Variants in EXOC3L4 observed in about 807,000 individuals in gnomAD.
The protein encoded by EXOC3L4 is exocyst complex component 3 like 4.
Under a neutral mutation model 69.7 loss-of-function variants are expected in EXOC3L4, and 62 were observed. The ratio of observed to expected loss-of-function variants is 0.89; its 90% CI spans 0.72 to 1.10. The LOEUF is 1.10. Among genes scored for constraint, EXOC3L4 ranks in the 50% least tolerant of loss-of-function variants. EXOC3L4 has a pLI of 0.00. For synonymous variants in EXOC3L4, 502 were observed against 464.2 expected (o/e 1.08, Z -1.05); for missense variants, 1,087 against 1,034.8 (o/e 1.05, Z -0.69).
intron 5 of EXOC3L4, 160 bp downstream of exon 5, chr14:103,104,549 C>T: frequency 1.5e-6 from 2 of 1,316,470 alleles, no homozygotes; most frequent in African/African-American, 3.1e-5. Context: ...CCCGGCGCGC[C>T]GACGGGCAGG....
At chr14:103,104,080 G>A in intron 4 of EXOC3L4, 28 bp downstream of exon 4, 3 of 1,522,516 alleles carry the variant, frequency 2.0e-6, no homozygotes, top group Non-Finnish European at 2.6e-6. Flanking sequence ...AGGCTGGGCG[G>A]GCCAGGCTGG....
In EXOC3L4 at chr14:103,110,316, C is replaced by A; in HGVS notation, c.*93C>A. On this transcript the variant is annotated 3_prime_UTR_variant, in exon 12 of 12. Transcript: ENST00000688303. Reference sequence around the variant, plus strand: ...CCCAGGGAGTCACTCTGGGCCCTGCCCCCAACTCTGACACTGCAGTTAGGG... The same window carrying A: ...CCCAGGGAGTCACTCTGGGCCCTGCACCCAACTCTGACACTGCAGTTAGGG... The A allele has an allele frequency of 7.1e-7, 1 of 1,403,854 alleles. No individual in the cohort carries two copies. The highest frequency in any genetic ancestry group is 9.7e-7 in the Non-Finnish European group (1 of 1,030,220). 87.0% of individuals were successfully genotyped at this position (1,403,854 alleles called of 1,614,324 possible).
intron 4 of EXOC3L4, 105 bp downstream of exon 4, chr14:103,104,157 C>T: frequency 6.9e-7 from 1 of 1,446,744 alleles, no homozygotes; most frequent in Non-Finnish European, 9.1e-7. Context: ...CTCTGGTTCA[C>T]CCTGTGGCCC....
intron 2 of EXOC3L4, 23 bp downstream of exon 2, chr14:103,100,636 G>C: frequency 6.3e-7 from 1 of 1,584,938 alleles, no homozygotes; most frequent in Non-Finnish European, 8.6e-7. Context: ...GAAACAACAC[G>C]AAGCATGAAA....
chr14:103,100,424 T>C lies in EXOC3L4; in HGVS notation c.205T>C (p.Ser69Pro). ...RASQRALTQV[S>P]KEDTGLFRRS... ...CAGCCAGCGGGCTTTGACCCAGGTC[T>C]CCAAGGAAGATACGGGCCTGTTCCG... The change falls in exon 2 of 12, where the codon TCC becomes CCC. Residue 69 changes from serine to proline, a missense_variant. By Grantham distance (74) the Ser-to-Pro change is moderately conservative. Transcript: ENST00000688303. 6.2e-7 allele frequency: 1 copy of C among 1,613,080 alleles called. No homozygotes were observed. Among genetic ancestry groups the C allele is most frequent in the South Asian group, 1.1e-5 (1 of 90,898 alleles).
In EXOC3L4 at chr14:103,097,791, C is replaced by T. The variant is rs755385295; in HGVS notation, c.-16-2413C>T. Reference sequence around the variant, plus strand: ...AACAGGGGCCAGGAAAGGGAATGGCCGGAGGGGAAGCTGGAGGCTGGGCGT... The same window carrying T: ...AACAGGGGCCAGGAAAGGGAATGGCTGGAGGGGAAGCTGGAGGCTGGGCGT... On this transcript the variant is annotated intron_variant, in intron 1 of 11. Coordinates refer to ENST00000688303, the MANE Select transcript of EXOC3L4 (RefSeq NM_001077594.2). The surrounding 1 kb of genome is among the most constrained non-coding windows in gnomAD (Gnocchi z 4.9). Among the ~76,000 whole-genome samples, 6 of 152,012 alleles carry T rather than the reference C, an allele frequency of 3.9e-5. No homozygotes were observed. The highest frequency in any genetic ancestry group is 7.4e-5 in the Non-Finnish European group (5 of 67,992).
chr14:103,099,428 G>C (rs1486906628), intron 1 of EXOC3L4, among the ~76,000 whole-genome samples: 9 of 152,208 alleles, frequency 5.9e-5, no homozygotes, highest in Non-Finnish European at 8.8e-5. Flanking sequence ...GGAGGGGCCA[G>C]AGCATGCTAT....
In EXOC3L4 at chr14:103,095,216, G is replaced by A. The variant is rs150110852; in HGVS notation, c.-17+376G>A. Among the ~76,000 whole-genome samples, 542 of 152,340 alleles carry A rather than the reference G, an allele frequency of 3.6e-3. 3 individuals carry two copies. The highest frequency in any genetic ancestry group is 4.9e-3 in the Non-Finnish European group (335 of 68,036). ...CAGAAAAGTGTGTATATGCCCGCGCGCTCAAGCTCAGGCATCAGATTCACT... is the reference window on the plus strand; with the variant it reads ...CAGAAAAGTGTGTATATGCCCGCGCACTCAAGCTCAGGCATCAGATTCACT... On this transcript the variant is annotated intron_variant, in intron 1 of 11. Coordinates refer to ENST00000688303, the MANE Select transcript of EXOC3L4 (RefSeq NM_001077594.2).
Position 103,107,743 on chromosome 14 carries a change from G to A in EXOC3L4, c.1814G>A (p.Ser605Asn). 1.3e-6 allele frequency: 2 copies of A among 1,545,212 alleles called. No homozygotes were observed. Among genetic ancestry groups the A allele is most frequent in the Non-Finnish European group, 1.8e-6 (2 of 1,141,398 alleles). The change falls in exon 10 of 12, where the codon AGC (serine) becomes AAC (asparagine). Residue 605 changes from serine (S) to asparagine (N), a missense_variant. Transcript: ENST00000688303. ...MERMHGSQKM[S>N]LDAQAISDTF... ...CGCATGCATGGCTCCCAGAAGATGA[G>A]CCTGGATGCCCAGGCCATCAGCGAC...
chr14:103,108,515 C>A lies in EXOC3L4; in HGVS notation c.1974C>A (p.Ile658=), dbSNP rs777968401. ...LETLIRSYPD[I]RRDHILAILA... ...CTCTTATCCGGAGCTACCCCGACATCAGGTGTGTACCCCACCTGCTTCCAC... is the reference window on the plus strand; with the variant it reads ...CTCTTATCCGGAGCTACCCCGACATAAGGTGTGTACCCCACCTGCTTCCAC... Residue 658 remains isoleucine, a splice_region_variant and synonymous_variant, in exon 11 of 12, where the codon ATC becomes ATA. Coordinates refer to ENST00000688303, the MANE Select transcript of EXOC3L4 (RefSeq NM_001077594.2). 2.5e-5 allele frequency: 41 copies of A among 1,612,926 alleles called. No individual in the cohort carries two copies. The highest frequency in any genetic ancestry group is 3.4e-5 in the Non-Finnish European group (40 of 1,179,348).
chr14:103,104,012 T>C lies in EXOC3L4; in HGVS notation c.1121T>C (p.Val374Ala), dbSNP rs747559136. The change falls in exon 4 of 12, where the codon GTG becomes GCG. Residue 374 changes from valine to alanine, a missense_variant. Coordinates refer to ENST00000688303, the MANE Select transcript of EXOC3L4 (RefSeq NM_001077594.2). Reference sequence around the variant, plus strand: ...CTGCCTCCGCTCCTGGCGCCGGACGTGTGGGCCCGACTGGAGAGCGACTAC... The same window carrying C: ...CTGCCTCCGCTCCTGGCGCCGGACGCGTGGGCCCGACTGGAGAGCGACTAC... Reference protein sequence around the residue: ...EPLPPLLAPDVWARLESDYTS... With the variant: ...EPLPPLLAPDAWARLESDYTS... The C allele has an allele frequency of 6.3e-7, 1 of 1,578,172 alleles. No individual in the cohort carries two copies. The highest frequency in any genetic ancestry group is 1.1e-5 in the South Asian group (1 of 87,636).
Position 103,110,411 on chromosome 14 carries a change from G to C in EXOC3L4, c.*188G>C, listed in dbSNP as rs1241948428. On this transcript the variant is annotated 3_prime_UTR_variant, in exon 12 of 12. Coordinates refer to ENST00000688303, the MANE Select transcript of EXOC3L4 (RefSeq NM_001077594.2). The stretch of plus-strand genomic sequence containing the variant: ...AGCAGCCGTGCAGGAGGCATTTCAG[G>C]CATCGTTGAGGGGAGTGTTTTGGGG... 1.3e-6 allele frequency: 1 copy of C among 751,396 alleles called. No homozygotes were observed. Among genetic ancestry groups the C allele is most frequent in the Non-Finnish European group, 2.3e-6 (1 of 433,058 alleles). The allele number at this position is 751,396 out of a possible 1,614,324, so 46.5% of individuals were successfully genotyped here.
intron 7 of EXOC3L4, among the ~76,000 whole-genome samples, chr14:103,106,092 C>T (rs1020078114): frequency 1.3e-5 from 2 of 152,244 alleles, no homozygotes; most frequent in African/African-American, 2.4e-5. Context: ...CTGCCTGACA[C>T]GTCTCATCCC....
intron 5 of EXOC3L4, 53 bp from the exon 6 acceptor site, chr14:103,104,685 C>A (rs956002529): frequency 6.7e-5 from 93 of 1,393,546 alleles, no homozygotes; most frequent in Non-Finnish European, 8.6e-5. Context: ...AGGGGACCCG[C>A]GGCCTCAGGT....
chr14:103,100,525 C>G lies in EXOC3L4; in HGVS notation c.306C>G (p.Ala102=), dbSNP rs1057639. Residue 102 remains alanine, a synonymous_variant, in exon 2 of 12, where the codon GCC becomes GCG. Transcript: ENST00000688303. The stretch of plus-strand genomic sequence containing the variant: ...GCCCAGCTACCGGCCATTCCCAGGC[C>G]ACTCCTGAGGTGCCCTCGGGGGTCA... The part of the protein sequence containing the change: ...NDGPATGHSQ[A]TPEVPSGVMN... The G allele has an allele frequency of 1.2e-3, 2,016 of 1,612,946 alleles. 5 individuals carry two copies. Among genetic ancestry groups the G allele is most frequent in the Non-Finnish European group, 1.6e-3 (1,867 of 1,179,778 alleles).
Position 103,102,267 on chromosome 14 carries a change from G to C in EXOC3L4, c.544G>C (p.Val182Leu). Residue 182 changes from valine (V) to leucine (L), a missense_variant, in exon 3 of 12, where the codon GTG (valine) becomes CTG (leucine). Val to Leu is a conservative substitution (Grantham distance 32, BLOSUM62 1). Transcript: ENST00000688303. ...GGCCTTCGCGCGGCGCGCTATGGAC[G>C]TGTGCCTGCTTTACGACGGGCTGGC... ...PTAFARRAMD[V>L]CLLYDGLAAE... 1 of 1,586,220 alleles carries C rather than the reference G, an allele frequency of 6.3e-7. No individual in the cohort carries two copies.
rs1003145946 is a variant in EXOC3L4, at chr14:103,105,031, G to A, written c.1425G>A (p.Glu475=). Residue 475 remains glutamate (E), a synonymous_variant, in exon 7 of 12, where the codon GAG becomes GAA. Transcript: ENST00000688303. ...TTCTGGCGTCGGAGGCGGTGAGCGAGCCGCACCTGGGCGCCTACATCAACG... is the reference window on the plus strand; with the variant it reads ...TTCTGGCGTCGGAGGCGGTGAGCGAACCGCACCTGGGCGCCTACATCAACG... ...KAFLASEAVS[E]PHLGAYINAC... 6.2e-6 allele frequency: 10 copies of A among 1,612,472 alleles called. No individual in the cohort carries two copies. Among genetic ancestry groups the A allele is most frequent in the South Asian group, 1.1e-5 (1 of 91,012 alleles).
chr14:103,101,885 T>C (rs567082813), intron 2 of EXOC3L4, among the ~76,000 whole-genome samples: 50 of 152,200 alleles, frequency 3.3e-4, no homozygotes, highest in Non-Finnish European at 4.6e-4. Flanking sequence ...CCCAAATTGC[T>C]CTGTTCAGCC....
Position 103,100,371 on chromosome 14 carries a change from G to A in EXOC3L4, c.152G>A (p.Gly51Asp). ...HRKDGTRLGL[G>D]SLRQAFSRAS... ...AAGGATGGCACAAGGCTGGGCCTGG[G>A]CTCCCTGAGGCAGGCCTTCTCCCGG... Residue 51 changes from glycine (G) to aspartate (D), a missense_variant, in exon 2 of 12, where the codon GGC becomes GAC. Coordinates refer to ENST00000688303, the MANE Select transcript of EXOC3L4 (RefSeq NM_001077594.2). 1 of 1,606,960 alleles carries A rather than the reference G, an allele frequency of 6.2e-7. No individual in the cohort carries two copies. The highest frequency in any genetic ancestry group is 8.5e-7 in the Non-Finnish European group (1 of 1,176,632).
Sources: gnomAD v4.1 joint callset for allele counts (sites outside exome capture counted in the v4.1 genomes callset) on GRCh38, gnomAD v4.1.1 for gene constraint, Gnocchi (gnomAD v3.1) non-coding constraint, MANE v1.5 for transcripts, NCBI Gene and HGNC (gene_info 2026-07-23, HGNC 2026-07-21) for gene names.